STK32A: variants seen among roughly 807,000 people sequenced by gnomAD.
STK32A encodes serine/threonine-protein kinase 32A.
Under a neutral mutation model 53.2 loss-of-function variants are expected in STK32A, and 41 were observed. The observed-to-expected ratio is 0.77, with a 90% CI of 0.60 to 1.00. STK32A has a LOEUF of 1.00. Ranked by LOEUF, STK32A falls within the 50% of genes least tolerant of loss-of-function variation. The pLI, the probability that STK32A is intolerant of heterozygous loss-of-function variation, is 0.00. For missense variants in STK32A, 458 were observed against 485.8 expected, an observed-to-expected ratio of 0.94 and a Z score of 0.54; for synonymous variants, 166 against 162.8, an observed-to-expected ratio of 1.02 and a Z score of -0.15.
chr5:147,287,478 CTG>C (rs1752401324), intron 4 of STK32A, among the ~76,000 whole-genome samples: 1 of 152,132 alleles, frequency 6.6e-6, no homozygotes, highest in African/African-American at 2.4e-5. Flanking sequence ...TACATAAAAC[CTG>C]CCTCCATCCA....
At chr5:147,281,774 C>T (rs913529001) in intron 4 of STK32A, among the ~76,000 whole-genome samples, 12 of 152,062 alleles carry the variant, frequency 7.9e-5, no homozygotes, top group African/African-American at 1.9e-4. Flanking sequence ...GGTAATTCAT[C>T]GCAAAAAGAT....
At chr5:147,401,785 C>T in the STK32A span, 1 of 1,505,000 alleles carries the variant, frequency 6.6e-7, no homozygotes, top group Non-Finnish European at 9.0e-7. Flanking sequence ...TAAGCCTACC[C>T]AGGACTGTGT....
intron 6 of STK32A, 123 bp downstream of exon 6, chr5:147,343,166 C>G: frequency 9.7e-7 from 1 of 1,031,098 alleles, no homozygotes; most frequent in Non-Finnish European, 1.5e-6. Flanking sequence ...GCTCTACTTA[C>G]AAACTCCTCA....
intron 6 of STK32A, chr5:147,343,361 C>T: frequency 2.2e-6 from 1 of 451,384 alleles, no homozygotes; most frequent in Non-Finnish European, 4.1e-6. Context: ...CACGCAATCA[C>T]CTATTTTTTA....
At chr5:147,299,358 A>G (rs1379764950) in intron 4 of STK32A, among the ~76,000 whole-genome samples, 2 of 152,014 alleles carry the variant, frequency 1.3e-5, no homozygotes, top group Non-Finnish European at 2.9e-5. Flanking sequence ...CTTTGCCGCA[A>G]CTTGTTTTAT....
chr5:147,246,204 T>C (rs1753762394), intron 2 of STK32A, among the ~76,000 whole-genome samples: 1 of 152,194 alleles, frequency 6.6e-6, no homozygotes, highest in Non-Finnish European at 1.5e-5. Context: ...ACCTAACATT[T>C]AGTAAAGGCA....
chr5:147,331,403 A>G (rs1754865293), intron 5 of STK32A, among the ~76,000 whole-genome samples: 1 of 152,132 alleles, frequency 6.6e-6, no homozygotes, highest in South Asian at 2.1e-4. Context: ...CCAGATTCAA[A>G]TGTAGAATTA....
chr5:147,251,803 G>A (rs1754012716), intron 2 of STK32A, among the ~76,000 whole-genome samples: 1 of 152,162 alleles, frequency 6.6e-6, no homozygotes, highest in Non-Finnish European at 1.5e-5. Context: ...TTTCTTCCCT[G>A]GAGTTAATCA....
the STK32A span, among the ~76,000 whole-genome samples, chr5:147,396,871 A>G: frequency 7.0e-5 from 10 of 143,640 alleles, no homozygotes; most frequent in East Asian, 3.9e-4. Flanking sequence ...GTGTGTATAT[A>G]TATATATATA....
intron 2 of STK32A, among the ~76,000 whole-genome samples, chr5:147,242,294 G>C (rs1421508479): frequency 1.3e-5 from 2 of 152,218 alleles, no homozygotes; most frequent in African/African-American, 4.8e-5. Flanking sequence ...AGGAGGGCAA[G>C]TCCACCTACT....
intron 4 of STK32A, among the ~76,000 whole-genome samples, chr5:147,285,223 A>G (rs1752271348): frequency 6.6e-6 from 1 of 152,196 alleles, no homozygotes. Flanking sequence ...TTTTCAACAA[A>G]TGGTGCTGGG....
intron 4 of STK32A, among the ~76,000 whole-genome samples, chr5:147,284,701 A>C (rs1394104367): frequency 3.2e-5 from 4 of 124,210 alleles, no homozygotes; most frequent in Admixed American, 8.9e-5. Flanking sequence ...CAAAACAAAA[A>C]AACAACAAAA....
At chr5:147,262,465 GC>G (rs1754621634) in intron 2 of STK32A, among the ~76,000 whole-genome samples, 1 of 152,032 alleles carries the variant, frequency 6.6e-6, no homozygotes, top group South Asian at 2.1e-4. Context: ...AACAAAAATA[GC>G]CCCCATTTAT....
the STK32A span, among the ~76,000 whole-genome samples, chr5:147,399,471 G>A: frequency 7.0e-6 from 1 of 141,942 alleles, no homozygotes; most frequent in Non-Finnish European, 1.6e-5. Context: ...TAAGATAGAA[G>A]TTACTGCCCC....
At chr5:147,331,354 G>C (rs1276819206) in intron 5 of STK32A, among the ~76,000 whole-genome samples, 1 of 152,204 alleles carries the variant, frequency 6.6e-6, no homozygotes, top group Non-Finnish European at 1.5e-5. Context: ...TCTCTGAGGG[G>C]ATTAAGCAAC....
intron 4 of STK32A, among the ~76,000 whole-genome samples, chr5:147,306,787 A>G (rs1367614602): frequency 1.3e-5 from 2 of 152,150 alleles, no homozygotes; most frequent in East Asian, 1.9e-4. Context: ...GATAAATCAC[A>G]TAATTTTTCT....
At chr5:147,372,605 A>G (rs1328577345) in intron 9 of STK32A, among the ~76,000 whole-genome samples, 1 of 152,124 alleles carries the variant, frequency 6.6e-6, no homozygotes, top group Non-Finnish European at 1.5e-5. Flanking sequence ...ATGTTGGCTC[A>G]GGAATGGTTA....
chr5:147,298,235 A>G (rs1223299497), intron 4 of STK32A, among the ~76,000 whole-genome samples: 3 of 152,166 alleles, frequency 2.0e-5, no homozygotes, highest in African/African-American at 7.2e-5. Context: ...TAGAGGTGAA[A>G]GAGAAAACCT....
At chr5:147,347,804 G>T (rs891180963) in intron 6 of STK32A, among the ~76,000 whole-genome samples, 1 of 152,180 alleles carries the variant, frequency 6.6e-6, no homozygotes, top group East Asian at 1.9e-4. Context: ...CTGGCAGATA[G>T]GTCACCATGG....
Sources: gnomAD v4.1 joint callset for allele counts (sites outside exome capture counted in the v4.1 genomes callset) on GRCh38, gnomAD v4.1.1 for gene constraint, MANE v1.5 for transcripts, NCBI Gene and HGNC (gene_info 2026-07-23, HGNC 2026-07-21) for gene names.